Variants in KCMF1 observed in about 807,000 individuals in gnomAD.
The protein encoded by KCMF1 is E3 ubiquitin-protein ligase KCMF1.
KCMF1 carries 3 observed loss-of-function variants against 41.1 expected under a neutral mutation model. The observed-to-expected ratio is 0.07, with a 90% CI of 0.03 to 0.19. The LOEUF (loss-of-function observed/expected upper bound fraction) is 0.19. KCMF1 is among the 10% of genes least tolerant of loss of function. The pLI is 1.00. For missense variants in KCMF1, 286 were observed against 488.9 expected (o/e 0.58, Z 3.91); for synonymous variants, 142 against 164.5 (o/e 0.86, Z 1.04).
At chr2:84,997,679 G>A (rs1357866678) in intron 1 of KCMF1, among the ~76,000 whole-genome samples, 1 of 151,984 alleles carries the variant, frequency 6.6e-6, no homozygotes, top group Non-Finnish European at 1.5e-5. Context: ...CATCTATAAG[G>A]GTTGAAAGGC....
At chr2:84,995,876 A>T (rs1362412457) in intron 1 of KCMF1, among the ~76,000 whole-genome samples, 1 of 152,242 alleles carries the variant, frequency 6.6e-6, no homozygotes, top group East Asian at 1.9e-4. Context: ...ATATGTGATA[A>T]TATGCCTTTC....
rs1048297006 is a variant in KCMF1 at position 85,033,213 on chromosome 2, C to T, written c.185-1803C>T. Among the ~76,000 whole-genome samples the T allele has an allele frequency of 2.6e-5, 4 of 152,236 alleles. No homozygotes were observed. In the South Asian group the frequency reaches 8.3e-4, roughly 31 times the overall value. ...AAATCTCCCTAAAAATGAATATGAACAAATCTATCACGTAATGAACACTTT... is the reference window on the plus strand; with the variant it reads ...AAATCTCCCTAAAAATGAATATGAATAAATCTATCACGTAATGAACACTTT... On this transcript the variant is annotated intron_variant, in intron 2 of 6. Coordinates refer to ENST00000409785, the MANE Select transcript of KCMF1 (RefSeq NM_020122.5).
chr2:84,984,877 T>TG (rs1673862442), intron 1 of KCMF1, among the ~76,000 whole-genome samples: 1 of 152,014 alleles, frequency 6.6e-6, no homozygotes, highest in Non-Finnish European at 1.5e-5. Context: ...TTTGTGAAGT[T>TG]GGGGCCTCAC....
At chr2:84,984,657 C>G (rs910761732) in intron 1 of KCMF1, among the ~76,000 whole-genome samples, 1 of 151,996 alleles carries the variant, frequency 6.6e-6, no homozygotes, top group African/African-American at 2.4e-5. Context: ...CCCGTCACTA[C>G]TAAAAATACA....
intron 3 of KCMF1, among the ~76,000 whole-genome samples, chr2:85,042,927 C>G (rs1204927965): frequency 1.3e-5 from 2 of 152,308 alleles, no homozygotes; most frequent in East Asian, 3.9e-4. Context: ...GAAAGTTGTT[C>G]TACTACTCCT....
chr2:84,992,294 C>T (rs1358695741), intron 1 of KCMF1, among the ~76,000 whole-genome samples: 1 of 152,128 alleles, frequency 6.6e-6, no homozygotes, highest in African/African-American at 2.4e-5. Context: ...CTCACTCTGT[C>T]GCCCAGGCTG....
chr2:85,026,299 CTTT>C (rs76915217), intron 1 of KCMF1, among the ~76,000 whole-genome samples: 2 of 145,382 alleles, frequency 1.4e-5, no homozygotes, highest in Non-Finnish European at 3.0e-5. Flanking sequence ...CATATTTTAA[CTTT>C]TTTTTTTTTA....
chr2:85,020,067 G>T (rs556591348), intron 1 of KCMF1, among the ~76,000 whole-genome samples: 7 of 152,126 alleles, frequency 4.6e-5, no homozygotes, highest in Non-Finnish European at 1.0e-4. Flanking sequence ...AGGTAGCTTT[G>T]AATTAAATCA....
At chr2:85,015,383 G>A (rs1331844350) in intron 1 of KCMF1, among the ~76,000 whole-genome samples, 1 of 152,104 alleles carries the variant, frequency 6.6e-6, no homozygotes, top group Admixed American at 6.6e-5. Flanking sequence ...AATCATGGCT[G>A]AGTATAATAG....
In KCMF1 at chr2:85,059,163, C is replaced by T. The variant is rs988311233; in HGVS notation, c.*5754C>T. On this transcript the variant is annotated 3_prime_UTR_variant, in exon 7 of 7. Transcript: ENST00000409785. ...TCCATTTAATTTTGCCCACGAGAAC[C>T]TTTCATGACAATTAACAAGACACTA... 6.6e-6 allele frequency: 1 copy of T among 152,160 alleles called. No individual in the cohort carries two copies. The highest frequency in any genetic ancestry group is 1.5e-5 in the Non-Finnish European group (1 of 68,024). 9.4% of individuals were successfully genotyped at this position (152,160 alleles called of 1,614,324 possible).
chr2:84,990,797 C>T (rs373572378), intron 1 of KCMF1, among the ~76,000 whole-genome samples: 101 of 152,090 alleles, frequency 6.6e-4, no homozygotes, highest in South Asian at 1.2e-3. Flanking sequence ...AGTTGGAACA[C>T]GGTAGGACAA....
At chr2:84,981,558 C>T (rs2103966138) in intron 1 of KCMF1, among the ~76,000 whole-genome samples, 1 of 152,022 alleles carries the variant, frequency 6.6e-6, no homozygotes, top group East Asian at 1.9e-4. Flanking sequence ...ATGATATCAA[C>T]TTTTTCTACA....
In KCMF1 at chr2:84,971,278, C is replaced by CCCGCCGCCG. The variant is rs540667091; in HGVS notation, c.-157_-149dup. The stretch of plus-strand genomic sequence containing the variant: ...CCCCATTCCCGCCCCGCGCCGCCTC[C>CCCGCCGCCG]CCGCCGCCGCCGCCGCCGCCGCCGC... On this transcript the variant is annotated 5_prime_UTR_variant, in exon 1 of 7. Coordinates refer to ENST00000409785, the MANE Select transcript of KCMF1 (RefSeq NM_020122.5). 126 of 160,548 alleles carry CCCGCCGCCG rather than the reference C, an allele frequency of 7.8e-4. No homozygotes were observed. Among genetic ancestry groups the CCCGCCGCCG allele is most frequent in the African/African-American group, 2.2e-3 (91 of 40,748 alleles). 9.9% of individuals were successfully genotyped at this position (160,548 alleles called of 1,614,324 possible).
chr2:85,031,201 G>T (rs1381467055), intron 2 of KCMF1, among the ~76,000 whole-genome samples: 1 of 152,216 alleles, frequency 6.6e-6, no homozygotes, highest in East Asian at 1.9e-4. Context: ...ATGGAATTAT[G>T]TCGAATCGGT....
At chr2:85,018,403 G>A (rs900598669) in intron 1 of KCMF1, among the ~76,000 whole-genome samples, 1 of 151,552 alleles carries the variant, frequency 6.6e-6, no homozygotes, top group Non-Finnish European at 1.5e-5. Context: ...CCGAGTACAT[G>A]GGATTACAGG....
chr2:84,973,149 G>A (rs1445513798), intron 1 of KCMF1, among the ~76,000 whole-genome samples: 1 of 152,176 alleles, frequency 6.6e-6, no homozygotes, highest in Non-Finnish European at 1.5e-5. Flanking sequence ...CTTGAAAACT[G>A]GGAGGGTTAG....
At chr2:84,972,480 G>C (rs1673426432) in intron 1 of KCMF1, among the ~76,000 whole-genome samples, 1 of 152,164 alleles carries the variant, frequency 6.6e-6, no homozygotes, top group Non-Finnish European at 1.5e-5. Flanking sequence ...ACTACTACAG[G>C]TTTTTGGATA....
At chr2:85,020,747 A>G (rs923221029) in intron 1 of KCMF1, among the ~76,000 whole-genome samples, 4 of 152,204 alleles carry the variant, frequency 2.6e-5, no homozygotes, top group African/African-American at 9.6e-5. Flanking sequence ...GCTATTTTGA[A>G]TAAGAAAATT....
At chr2:84,974,658 CATAT>C (rs71392939) in intron 1 of KCMF1, among the ~76,000 whole-genome samples, 1,018 of 29,282 alleles carry the variant, frequency 0.035, 32 homozygotes, top group Middle Eastern at 0.1. Context: ...ATTTTAATTT[CATAT>C]ATATATATAT....
Sources: allele counts gnomAD v4.1 joint callset (sites outside exome capture counted in the v4.1 genomes callset), GRCh38; gene constraint gnomAD v4.1.1; transcripts MANE v1.5; gene names NCBI Gene and HGNC (gene_info 2026-07-23, HGNC 2026-07-21).